Variants in NACC2 observed in about 807,000 individuals in gnomAD.
NACC2 encodes the protein nucleus accumbens-associated protein 2.
A neutral mutation model predicts 25.1 loss-of-function variants in NACC2; 8 were observed. The observed-to-expected ratio is 0.32, with a 90% CI of 0.19 to 0.57. The LOEUF (loss-of-function observed/expected upper bound fraction) is 0.57. Among genes scored for constraint, NACC2 ranks in the 20% least tolerant of loss-of-function variants. The pLI is 0.89. For missense variants in NACC2, 644 were observed against 650.2 expected (o/e 0.99, Z 0.10); for synonymous variants, 435 against 294.7 (o/e 1.48, Z -4.88).
intron 1 of NACC2, among the ~76,000 whole-genome samples, chr9:136,063,904 A>C (rs55789925): frequency 0.082 from 12,306 of 150,710 alleles, 604 homozygotes; most frequent in Non-Finnish European, 0.11. Context: ...AAAACAAAAA[A>C]AACAAAAATC....
At chr9:136,053,659 GC>G (rs1476566488) in intron 1 of NACC2, among the ~76,000 whole-genome samples, 6 of 149,926 alleles carry the variant, frequency 4.0e-5, no homozygotes, top group Non-Finnish European at 7.5e-5. Flanking sequence ...GAGGGCAGAG[GC>G]CCCTAGACAG....
At position 136,020,597 on chromosome 9, in the gene NACC2, A is replaced by G. The variant is rs756506730; in HGVS notation, c.887-4168T>C. Among the ~76,000 whole-genome samples, 2 of 152,222 alleles carry G rather than the reference A, an allele frequency of 1.3e-5. No individual in the cohort carries two copies. Among genetic ancestry groups the G allele is most frequent in the Non-Finnish European group, 2.9e-5 (2 of 68,040 alleles). On this transcript the variant is annotated intron_variant, in intron 2 of 5. Transcript: ENST00000277554. The surrounding 1 kb of genome is among the most constrained non-coding windows in gnomAD (Gnocchi z 4.7). ...TCCCTAAAAGTGTATACCATTTGTT[A>G]AAATGCACCACAAGAAAATGAGCCC...
Position 136,060,256 on chromosome 9 carries a change from G to A in NACC2, c.-59-9676C>T, listed in dbSNP as rs529823296. Among the ~76,000 whole-genome samples, 29 of 152,332 alleles carry A rather than the reference G, an allele frequency of 1.9e-4. 1 individual carries two copies. The highest frequency in any genetic ancestry group is 4.6e-4 in the African/African-American group (19 of 41,566). Reference sequence around the variant, plus strand: ...TCTCCCAAAGCTCTTTTGCAACACCGAAGAATCTTGTGTAAAAGAGGGAAA... The same window carrying A: ...TCTCCCAAAGCTCTTTTGCAACACCAAAGAATCTTGTGTAAAAGAGGGAAA... On this transcript the variant is annotated intron_variant, in intron 1 of 5. Coordinates refer to ENST00000277554, the MANE Select transcript of NACC2 (RefSeq NM_144653.5).
chr9:136,041,038 A>G (rs28886130), intron 2 of NACC2, among the ~76,000 whole-genome samples: 12 of 89,304 alleles, frequency 1.3e-4, no homozygotes, highest in South Asian at 1.3e-3. Flanking sequence ...AGAAGGAAAG[A>G]AAAGGAAGGA....
chr9:136,032,782 G>A (rs181642240), intron 2 of NACC2, among the ~76,000 whole-genome samples: 4 of 151,906 alleles, frequency 2.6e-5, no homozygotes, highest in East Asian at 1.9e-4. Context: ...CCTGTAATCC[G>A]CCACTTTGGG....
At chr9:136,017,673 C>A (rs1168075856) in intron 2 of NACC2, among the ~76,000 whole-genome samples, 2 of 152,342 alleles carry the variant, frequency 1.3e-5, no homozygotes, top group East Asian at 3.9e-4. Context: ...ACTCCTCACA[C>A]CCCAGCCTGG....
Position 136,086,557 on chromosome 9 carries a change from C to T in NACC2, c.-60+8632G>A, listed in dbSNP as rs566888426. Among the ~76,000 whole-genome samples, 2 of 152,284 alleles carry T rather than the reference C, an allele frequency of 1.3e-5. No homozygotes were observed. Among genetic ancestry groups the T allele is most frequent in the South Asian group, 2.1e-4 (1 of 4,828 alleles). Reference sequence around the variant, plus strand: ...CCAGCACCCAGCCACGGTCCCACCCCGGGCTCCACTGTGACCCACACGCTG... The same window carrying T: ...CCAGCACCCAGCCACGGTCCCACCCTGGGCTCCACTGTGACCCACACGCTG... On this transcript the variant is annotated intron_variant, in intron 1 of 5. Coordinates refer to ENST00000277554, the MANE Select transcript of NACC2 (RefSeq NM_144653.5). This position sits in a 1 kb window ranked among gnomAD's most constrained non-coding sequence, Gnocchi z 5.6.
At chr9:136,074,976 G>T (rs370706352) in intron 1 of NACC2, among the ~76,000 whole-genome samples, 12 of 152,192 alleles carry the variant, frequency 7.9e-5, no homozygotes, top group Non-Finnish European at 5.9e-5. Context: ...ACTCACTGTC[G>T]CGTATGGGGC....
intron 2 of NACC2, among the ~76,000 whole-genome samples, chr9:136,027,407 GCCTT>G (rs1840409320): frequency 6.6e-6 from 1 of 152,118 alleles, no homozygotes; most frequent in Non-Finnish European, 1.5e-5. Flanking sequence ...ATATACATTT[GCCTT>G]CCTTATCAGC....
At chr9:136,064,912 C>T (rs1841062243) in intron 1 of NACC2, among the ~76,000 whole-genome samples, 2 of 152,184 alleles carry the variant, frequency 1.3e-5, no homozygotes, top group Admixed American at 6.5e-5. Flanking sequence ...CATGTGTCTG[C>T]AGCCAATTAA....
chr9:136,068,831 A>G (rs564260981), intron 1 of NACC2, among the ~76,000 whole-genome samples: 1 of 151,936 alleles, frequency 6.6e-6, no homozygotes, highest in South Asian at 2.1e-4. Flanking sequence ...AAAAACTAAA[A>G]TAGGAGACAA....
chr9:136,077,281 G>T (rs1830273503), intron 1 of NACC2, among the ~76,000 whole-genome samples: 1 of 152,182 alleles, frequency 6.6e-6, no homozygotes, highest in Admixed American at 6.5e-5. Flanking sequence ...AGTGAGCCAA[G>T]ATTGCGCCAT....
intron 1 of NACC2, among the ~76,000 whole-genome samples, chr9:136,087,747 C>G (rs1830393608): frequency 6.6e-6 from 1 of 152,244 alleles, no homozygotes; most frequent in Non-Finnish European, 1.5e-5. Context: ...CAAGAGAACA[C>G]TTGCTCTCCA....
chr9:136,026,114 C>A (rs1172672357), intron 2 of NACC2, among the ~76,000 whole-genome samples: 1 of 151,762 alleles, frequency 6.6e-6, no homozygotes, highest in Non-Finnish European at 1.5e-5. Flanking sequence ...ACGAGGTGGG[C>A]AGATCACTTG....
In NACC2 at chr9:136,009,913, AC is replaced by A. The variant is rs1310033086; in HGVS notation, c.*1602del. The stretch of plus-strand genomic sequence containing the variant: ...GATGGGGAAGCCGAGTTCTGGAGGG[AC>A]AGAGGTGAGCAACAGACATTTCAAG... On this transcript the variant is annotated 3_prime_UTR_variant, in exon 6 of 6. Coordinates refer to ENST00000277554, the MANE Select transcript of NACC2 (RefSeq NM_144653.5). 1 of 152,184 alleles carries A rather than the reference AC, an allele frequency of 6.6e-6. No individual in the cohort carries two copies. The highest frequency in any genetic ancestry group is 1.5e-5 in the Non-Finnish European group (1 of 68,122). 9.4% of individuals were successfully genotyped at this position (152,184 alleles called of 1,614,324 possible).
intron 1 of NACC2, among the ~76,000 whole-genome samples, chr9:136,083,643 G>C (rs1055535631): frequency 1.3e-5 from 2 of 152,158 alleles, no homozygotes; most frequent in Non-Finnish European, 2.9e-5. Flanking sequence ...CATGAGCCCA[G>C]GGCACCACAG....
intron 2 of NACC2, among the ~76,000 whole-genome samples, chr9:136,024,458 G>A (rs1840354313): frequency 6.8e-6 from 1 of 147,696 alleles, no homozygotes; most frequent in African/African-American, 2.5e-5. Context: ...GAGGGTATGT[G>A]TGAGGACAGA....
chr9:136,033,153 G>A (rs1417689483), intron 2 of NACC2, among the ~76,000 whole-genome samples: 2 of 151,984 alleles, frequency 1.3e-5, no homozygotes, highest in Non-Finnish European at 2.9e-5. Flanking sequence ...TCCAGCCGGG[G>A]CAACAGAGTG....
intron 1 of NACC2, among the ~76,000 whole-genome samples, chr9:136,094,546 G>A (rs1001399366): frequency 5.3e-5 from 8 of 152,096 alleles, no homozygotes; most frequent in Non-Finnish European, 1.2e-4. Context: ...CCTCAGCTCC[G>A]CAGAGGCACA....
Sources: allele counts gnomAD v4.1 joint callset (sites outside exome capture counted in the v4.1 genomes callset), GRCh38; gene constraint gnomAD v4.1.1; non-coding constraint Gnocchi (gnomAD v3.1); transcripts MANE v1.5; gene names NCBI Gene and HGNC (gene_info 2026-07-23, HGNC 2026-07-21).